The following GDAP2 variants were observed in gnomAD, a reference collection of about 807,000 sequenced individuals.
GDAP2 encodes ganglioside-induced differentiation-associated protein 2.
In GDAP2, 51 loss-of-function variants were observed where a neutral mutation model predicts 67.0. The ratio of observed to expected loss-of-function variants is 0.76; its 90% CI spans 0.61 to 0.96. The LOEUF is 0.96. GDAP2 is among the 40% of genes least tolerant of loss of function. The pLI is 0.00. For synonymous variants in GDAP2, 203 were observed against 207.3 expected (o/e 0.98, Z 0.18); for missense variants, 547 against 588.3 (o/e 0.93, Z 0.73).
intron 1 of GDAP2, among the ~76,000 whole-genome samples, chr1:117,926,013 T>A (rs928333958): frequency 1.3e-5 from 2 of 152,240 alleles, no homozygotes; most frequent in Admixed American, 1.3e-4. Flanking sequence ...TACAATTACA[T>A]CTTGGCTTTT....
chr1:117,870,658 C>A (rs747186794), intron 13 of GDAP2, 42 bp from the exon 14 acceptor site: 2 of 1,258,006 alleles, frequency 1.6e-6, no homozygotes, highest in Admixed American at 3.4e-5. Flanking sequence ...AGTAACAGAA[C>A]CAATTTAACT....
chr1:117,865,598 A>G lies in GDAP2; in HGVS notation c.*4971T>C, dbSNP rs954799866. On this transcript the variant is annotated 3_prime_UTR_variant, in exon 14 of 14. Transcript: ENST00000369443. ...GCTTACGTTAACGAAACACATTACA[A>G]AAAAAAAAGGTATGACTGTGTATAT... 1 of 150,744 alleles carries G rather than the reference A, an allele frequency of 6.6e-6. No individual in the cohort carries two copies. Among genetic ancestry groups the G allele is most frequent in the African/African-American group, 2.4e-5 (1 of 41,044 alleles). The allele number at this position is 150,744 out of a possible 1,614,324, so 9.3% of individuals were successfully genotyped here. A position where few individuals can be genotyped will look rare whatever the true frequency, so the allele number is the denominator to read the frequency against.
Position 117,920,162 on chromosome 1 carries a change from T to C in GDAP2, c.176+20A>G, listed in dbSNP as rs138590643. ...GAGAAAGTGTTATCTCCTCATGATA[T>C]GATGTAATCAAAAAATTACCAAAGA... is the stretch of plus-strand genomic sequence containing the variant. On this transcript the variant is annotated intron_variant, in intron 2 of 13. Transcript: ENST00000369443. 1,513 of 1,421,348 alleles carry C rather than the reference T, an allele frequency of 1.1e-3. 3 individuals carry two copies. Among genetic ancestry groups the C allele is most frequent in the Non-Finnish European group, 1.4e-3 (1,371 of 1,010,804 alleles). 88.0% of individuals were successfully genotyped at this position (1,421,348 alleles called of 1,614,324 possible). A position where few individuals can be genotyped will look rare whatever the true frequency, so the allele number is the denominator to read the frequency against.
intron 8 of GDAP2, among the ~76,000 whole-genome samples, chr1:117,888,704 TAAC>T (rs59473261): frequency 3.3e-5 from 5 of 152,240 alleles, no homozygotes; most frequent in African/African-American, 4.8e-5. Flanking sequence ...CAATATCCAG[TAAC>T]AACAACAACA....
intron 10 of GDAP2, among the ~76,000 whole-genome samples, 162 bp downstream of exon 10, chr1:117,886,415 G>C (rs748947090): frequency 6.6e-6 from 1 of 151,958 alleles, no homozygotes; most frequent in Non-Finnish European, 1.5e-5. Flanking sequence ...ACCCCTAATC[G>C]AACTGAAATG....
intron 5 of GDAP2, among the ~76,000 whole-genome samples, chr1:117,910,133 T>G (rs1168604285): frequency 1.3e-5 from 2 of 152,030 alleles, no homozygotes; most frequent in Non-Finnish European, 2.9e-5. Context: ...ACTGAAGCAG[T>G]TCTAACTCAA....
rs186221326 is a variant in GDAP2 at position 117,882,680 on chromosome 1, C to T, written c.1248-803G>A. Among the ~76,000 whole-genome samples, 7 of 152,272 alleles carry T rather than the reference C, an allele frequency of 4.6e-5. No individual in the cohort carries two copies. In the East Asian group the frequency reaches 1.4e-3, roughly 29 times the overall value. On this transcript the variant is annotated intron_variant, in intron 11 of 13. Coordinates refer to ENST00000369443, the MANE Select transcript of GDAP2 (RefSeq NM_017686.4). ...AGCAGAACTACATATATACAACCCACATTCAGAGTAAGCTAAAAAGGTGTC... is the reference window on the plus strand; with the variant it reads ...AGCAGAACTACATATATACAACCCATATTCAGAGTAAGCTAAAAAGGTGTC...
intron 6 of GDAP2, among the ~76,000 whole-genome samples, chr1:117,902,638 A>G (rs1649519679): frequency 1.3e-5 from 2 of 152,230 alleles, no homozygotes; most frequent in Admixed American, 1.3e-4. Context: ...TCCTTATGCC[A>G]GTACCACAGT....
chr1:117,904,472 C>T (rs1394264286), intron 6 of GDAP2, among the ~76,000 whole-genome samples: 5 of 152,112 alleles, frequency 3.3e-5, no homozygotes, highest in African/African-American at 1.2e-4. Flanking sequence ...ATGTCTAATA[C>T]CTCTACTAAA....
At chr1:117,919,226 T>C (rs1273284624) in intron 2 of GDAP2, among the ~76,000 whole-genome samples, 2 of 151,860 alleles carry the variant, frequency 1.3e-5, no homozygotes, top group Non-Finnish European at 2.9e-5. Context: ...TACAAAAAAT[T>C]AGCTGGGCAT....
At chr1:117,897,716 G>A (rs187893479) in intron 7 of GDAP2, among the ~76,000 whole-genome samples, 3 of 152,226 alleles carry the variant, frequency 2.0e-5, no homozygotes, top group East Asian at 1.9e-4. Context: ...CAAAACAAAC[G>A]TCGTACCATG....
intron 1 of GDAP2, among the ~76,000 whole-genome samples, chr1:117,926,432 A>G (rs1186513137): frequency 6.6e-6 from 1 of 152,232 alleles, no homozygotes; most frequent in African/African-American, 2.4e-5. Flanking sequence ...AAGATATTGG[A>G]TGTTAAATAA....
At chr1:117,874,860 T>G (rs560870553) in intron 13 of GDAP2, among the ~76,000 whole-genome samples, 39 of 152,182 alleles carry the variant, frequency 2.6e-4, no homozygotes, top group Admixed American at 4.6e-4. Flanking sequence ...GCAAAGAACT[T>G]AGCTGCACTG....
rs562536087 is a variant in GDAP2, at chr1:117,907,819, G to A, written c.560-1237C>T. On this transcript the variant is annotated intron_variant, in intron 5 of 13. Transcript: ENST00000369443. ...CCTGAGTTATCTTCTCATGTTACCC[G>A]AGTTATCTTCTCATGTTACCCTTTT... 2.2e-4 allele frequency among the ~76,000 whole-genome samples: 34 copies of A among 151,970 alleles called. No individual in the cohort carries two copies. In the South Asian group the frequency reaches 6.4e-3, roughly 29 times the overall value.
In GDAP2 at chr1:117,896,912, C is replaced by G; in HGVS notation, c.874G>C (p.Gly292Arg). The part of the protein sequence containing the change: ...IGSHAFARME[G>R]DIDKQRKLIL... ...AGTTTTCTTTGCTTGTCAATATCTC[C>G]TTCCATTCGAGCAAAAGCATGAGAG... Residue 292 changes from glycine to arginine, a missense_variant, in exon 8 of 14, where the codon GGA becomes CGA. Physicochemically the swap from Gly to Arg is moderately radical, Grantham distance 125. Coordinates refer to ENST00000369443, the MANE Select transcript of GDAP2 (RefSeq NM_017686.4). The G allele has an allele frequency of 6.2e-7, 1 of 1,611,670 alleles. No individual in the cohort carries two copies. Among genetic ancestry groups the G allele is most frequent in the East Asian group, 2.2e-5 (1 of 44,818 alleles).
rs1197720431 is a variant in GDAP2 at position 117,867,033 on chromosome 1, A to C, written c.*3536T>G. On this transcript the variant is annotated 3_prime_UTR_variant, in exon 14 of 14. Coordinates refer to ENST00000369443, the MANE Select transcript of GDAP2 (RefSeq NM_017686.4). ...CTTCAAATTCTAATCATTTCTGTGC[A>C]TATATTAAGCAATTTAAACTCTATA... The C allele has an allele frequency of 2.6e-5, 4 of 152,174 alleles. No individual in the cohort carries two copies. Among genetic ancestry groups the C allele is most frequent in the African/African-American group, 9.7e-5 (4 of 41,446 alleles). The allele number at this position is 152,174 out of a possible 1,614,324, so 9.4% of individuals were successfully genotyped here. A position where few individuals can be genotyped will look rare whatever the true frequency, so the allele number is the denominator to read the frequency against.
At chr1:117,906,634 T>C (rs1649669807) in intron 5 of GDAP2, 52 bp from the exon 6 acceptor site, 4 of 940,962 alleles carry the variant, frequency 4.3e-6, no homozygotes, top group Non-Finnish European at 6.6e-6. Flanking sequence ...TACTTATACA[T>C]AAAGAAAAAT....
chr1:117,884,509 G>A (rs1648779273), intron 10 of GDAP2, among the ~76,000 whole-genome samples: 1 of 152,098 alleles, frequency 6.6e-6, no homozygotes, highest in Admixed American at 6.6e-5. Context: ...ACATGGACTA[G>A]GATCCAACTG....
In GDAP2 at chr1:117,866,316, C is replaced by G. The variant is rs990412680; in HGVS notation, c.*4253G>C. 6.6e-6 allele frequency: 1 copy of G among 152,126 alleles called. No homozygotes were observed. Among genetic ancestry groups the G allele is most frequent in the Non-Finnish European group, 1.5e-5 (1 of 68,032 alleles). 9.4% of individuals were successfully genotyped at this position (152,126 alleles called of 1,614,324 possible). On this transcript the variant is annotated 3_prime_UTR_variant, in exon 14 of 14. Transcript: ENST00000369443. The stretch of plus-strand genomic sequence containing the variant: ...AGAAGAGGGCCCTCATCAGGAATTG[C>G]GCTGGATGGCACTTTGATCTTGGGG...
Sources: allele counts gnomAD v4.1 joint callset (sites outside exome capture counted in the v4.1 genomes callset), GRCh38; gene constraint gnomAD v4.1.1; transcripts MANE v1.5; gene names NCBI Gene and HGNC (gene_info 2026-07-23, HGNC 2026-07-21).